The following AGTPBP1 variants were observed in gnomAD, a reference collection of about 807,000 sequenced individuals.
AGTPBP1 encodes cytosolic carboxypeptidase 1.
A neutral mutation model predicts 143.9 loss-of-function variants in AGTPBP1; 70 were observed. The ratio of observed to expected loss-of-function variants is 0.49; its 90% CI spans 0.40 to 0.59. The LOEUF (loss-of-function observed/expected upper bound fraction) is 0.59, where lower values mean the gene tolerates loss of function less well. AGTPBP1 is among the 20% of genes least tolerant of loss of function. The pLI is 0.00. For synonymous variants in AGTPBP1, 463 were observed against 500.2 expected (o/e 0.93, Z 0.99); for missense variants, 1,229 against 1,464.5 (o/e 0.84, Z 2.62).
chr9:85,638,351 A>T (rs1038867183), intron 13 of AGTPBP1, among the ~76,000 whole-genome samples: 1 of 152,136 alleles, frequency 6.6e-6, no homozygotes, highest in Non-Finnish European at 1.5e-5. Context: ...AAAAAAGTTG[A>T]TTAAAATAAA....
intron 2 of AGTPBP1, among the ~76,000 whole-genome samples, chr9:85,696,592 C>T (rs1240137813): frequency 2.0e-5 from 3 of 151,618 alleles, no homozygotes; most frequent in Admixed American, 6.6e-5. Flanking sequence ...TGCTTGAACC[C>T]GGGAGGTGGA....
the AGTPBP1 span, among the ~76,000 whole-genome samples, chr9:85,797,630 G>A: frequency 2.0e-4 from 31 of 152,050 alleles, no homozygotes; most frequent in African/African-American, 6.8e-4. Flanking sequence ...CTAGGGCAGG[G>A]GTGTCCAATC....
intron 3 of AGTPBP1, among the ~76,000 whole-genome samples, chr9:85,683,661 G>A (rs1004991484): frequency 1.3e-5 from 2 of 151,890 alleles, no homozygotes; most frequent in Admixed American, 1.3e-4. Context: ...ATAGTTTCTC[G>A]ACCTCATAAC....
intron 23 of AGTPBP1, among the ~76,000 whole-genome samples, chr9:85,579,323 C>A (rs899718449): frequency 6.6e-6 from 1 of 151,942 alleles, no homozygotes; most frequent in African/African-American, 2.4e-5. Context: ...ATGGAAGAAT[C>A]GTATTCACGG....
chr9:85,663,304 G>A (rs1226136053), intron 8 of AGTPBP1, among the ~76,000 whole-genome samples: 1 of 152,104 alleles, frequency 6.6e-6, no homozygotes, highest in Non-Finnish European at 1.5e-5. Context: ...ACAGGGCTGA[G>A]AACAGTGCCT....
chr9:85,719,512 T>A (rs1837958855), intron 1 of AGTPBP1, among the ~76,000 whole-genome samples: 1 of 152,248 alleles, frequency 6.6e-6, no homozygotes, highest in Non-Finnish European at 1.5e-5. Context: ...ACTGATTTTG[T>A]ATCCTGAGAC....
chr9:85,700,768 G>A (rs760591366), intron 2 of AGTPBP1, among the ~76,000 whole-genome samples: 7 of 152,160 alleles, frequency 4.6e-5, no homozygotes, highest in Non-Finnish European at 8.8e-5. Context: ...AGGAAAAGCA[G>A]AGCCATTCTG....
the AGTPBP1 span, among the ~76,000 whole-genome samples, chr9:85,795,857 T>G: frequency 9.9e-5 from 5 of 50,364 alleles, no homozygotes; most frequent in African/African-American, 6.9e-4. Context: ...TTCTTCTTAG[T>G]TTTTTTTTTT....
Position 85,730,153 on chromosome 9 carries a change from G to C in AGTPBP1, c.-34+11622C>G, listed in dbSNP as rs138231684. 5.1e-3 allele frequency among the ~76,000 whole-genome samples: 776 copies of C among 152,290 alleles called. 5 individuals are homozygous for C. Among genetic ancestry groups the C allele is most frequent in the Non-Finnish European group, 8.1e-3 (554 of 68,020 alleles). ...AAGAGGTAACTCTCTTGGTTTCCCA[G>C]TTCTGTGGTAAGATGTGAGAGTTGT... is the stretch of plus-strand genomic sequence containing the variant. On this transcript the variant is annotated intron_variant, in intron 1 of 25. Transcript: ENST00000357081.
chr9:85,712,629 A>G, intron 1 of AGTPBP1, 63 bp from the exon 2 acceptor site: 1 of 767,802 alleles, frequency 1.3e-6, no homozygotes, highest in Non-Finnish European at 1.9e-6. Context: ...ATTAGATATC[A>G]CAGAAGCCAT....
chr9:85,708,544 G>GT (rs1397769320), intron 2 of AGTPBP1, among the ~76,000 whole-genome samples: 2 of 152,070 alleles, frequency 1.3e-5, no homozygotes, highest in Non-Finnish European at 2.9e-5. Context: ...ATTGTTTTTT[G>GT]TTTGTTTGTT....
intron 1 of AGTPBP1, among the ~76,000 whole-genome samples, chr9:85,724,286 CAAAA>C (rs56269636): frequency 7.7e-5 from 6 of 77,776 alleles, no homozygotes; most frequent in Non-Finnish European, 9.0e-5. Context: ...GACTTTGTCT[CAAAA>C]AAAAAAAAAA....
chr9:85,692,957 C>T (rs1056251720), intron 2 of AGTPBP1, 144 bp from the exon 3 acceptor site: 8 of 764,990 alleles, frequency 1.0e-5, no homozygotes, highest in African/African-American at 3.5e-5. Context: ...TGTTCTATAG[C>T]TTAATATAGC....
intron 3 of AGTPBP1, among the ~76,000 whole-genome samples, chr9:85,685,211 C>G (rs1835418572): frequency 6.6e-6 from 1 of 151,754 alleles, no homozygotes; most frequent in Admixed American, 6.6e-5. Flanking sequence ...AAAAACTGAG[C>G]AACCAAAAAT....
chr9:85,678,418 T>C lies in AGTPBP1; in HGVS notation c.226-20A>G. 6.7e-7 allele frequency: 1 copy of C among 1,499,012 alleles called. No individual in the cohort carries two copies. Among genetic ancestry groups the C allele is most frequent in the Non-Finnish European group, 9.1e-7 (1 of 1,095,836 alleles). The allele number at this position is 1,499,012 out of a possible 1,614,324, so 92.9% of individuals were successfully genotyped here. A position where few individuals can be genotyped will look rare whatever the true frequency, so the allele number is the denominator to read the frequency against. On this transcript the variant is annotated intron_variant, in intron 4 of 25. Coordinates refer to ENST00000357081, the MANE Select transcript of AGTPBP1 (RefSeq NM_001330701.2). ...TGTGTTCTGAAATAAATAGTTTGTT[T>C]TATTAAAACATTGTAAACTTTTGAT...
chr9:85,620,154 T>C (rs1430301930), intron 15 of AGTPBP1, among the ~76,000 whole-genome samples: 1 of 152,146 alleles, frequency 6.6e-6, no homozygotes, highest in East Asian at 1.9e-4. Flanking sequence ...GTCACACTTG[T>C]AATCCCGGTA....
chr9:85,757,298 C>A, the AGTPBP1 span, among the ~76,000 whole-genome samples: 3 of 152,062 alleles, frequency 2.0e-5, no homozygotes, highest in Non-Finnish European at 4.4e-5. Context: ...AACTTCTGAC[C>A]TTGTGATCCG....
chr9:85,708,501 C>A (rs1329541005), intron 2 of AGTPBP1, among the ~76,000 whole-genome samples: 1 of 152,134 alleles, frequency 6.6e-6, no homozygotes, highest in Non-Finnish European at 1.5e-5. Context: ...ATAGTGCTAT[C>A]TATATCTAAT....
chr9:85,754,428 T>C, the AGTPBP1 span, among the ~76,000 whole-genome samples: 1 of 152,172 alleles, frequency 6.6e-6, no homozygotes, highest in Non-Finnish European at 1.5e-5. Flanking sequence ...GTGATCTGCC[T>C]GCCTTGGCTT....
Sources: allele counts gnomAD v4.1 joint callset (sites outside exome capture counted in the v4.1 genomes callset), GRCh38; gene constraint gnomAD v4.1.1; transcripts MANE v1.5; gene names NCBI Gene and HGNC (gene_info 2026-07-23, HGNC 2026-07-21).